DAPP1: variants seen among roughly 807,000 people sequenced by gnomAD.
DAPP1 encodes dual adaptor of phosphotyrosine and 3-phosphoinositides 1, also known as dual adapter for phosphotyrosine and 3-phosphotyrosine and 3-phosphoinositide.
Under a neutral mutation model 41.5 loss-of-function variants are expected in DAPP1, and 20 were observed. The ratio of observed to expected loss-of-function variants is 0.48; its 90% CI spans 0.34 to 0.70. The LOEUF (loss-of-function observed/expected upper bound fraction) is 0.70. Ranked by LOEUF, DAPP1 falls within the 30% of genes least tolerant of loss-of-function variation. The pLI, the probability that DAPP1 is intolerant of heterozygous loss-of-function variation, is 0.01. For missense variants in DAPP1, 233 were observed against 333.4 expected (o/e 0.70, Z 2.35); for synonymous variants, 113 against 116.2 (o/e 0.97, Z 0.18).
At chr4:99,835,919 T>A (rs181392704) in intron 2 of DAPP1, among the ~76,000 whole-genome samples, 174 bp downstream of exon 2, 3 of 152,152 alleles carry the variant, frequency 2.0e-5, no homozygotes, top group Non-Finnish European at 4.4e-5. Context: ...GCTCCATTCA[T>A]TAGCAGGAAA....
chr4:99,861,479 C>G (rs1724234156), intron 4 of DAPP1, 99 bp from the exon 5 acceptor site: 3 of 1,285,060 alleles, frequency 2.3e-6, no homozygotes, highest in Admixed American at 2.1e-5. Context: ...ATTTAAAGAT[C>G]AAAAGCAAAC....
chr4:99,842,918 C>T (rs1280919733), intron 3 of DAPP1, among the ~76,000 whole-genome samples: 2 of 146,998 alleles, frequency 1.4e-5, no homozygotes, highest in African/African-American at 5.3e-5. Flanking sequence ...GTGGCGCGAT[C>T]TCGGCCCACT....
At chr4:99,860,096 C>G (rs1201807144) in intron 4 of DAPP1, among the ~76,000 whole-genome samples, 1 of 152,250 alleles carries the variant, frequency 6.6e-6, no homozygotes, top group Non-Finnish European at 1.5e-5. Flanking sequence ...AATGGGGGCT[C>G]TTATAAACAG....
chr4:99,848,007 T>C (rs1258174520), intron 3 of DAPP1, among the ~76,000 whole-genome samples: 1 of 151,180 alleles, frequency 6.6e-6, no homozygotes, highest in Non-Finnish European at 1.5e-5. Context: ...AGAGACGGGG[T>C]TTCATCATGT....
At chr4:99,871,202 A>T (rs1001881186), downstream of DAPP1, among the ~76,000 whole-genome samples, 5 of 152,170 alleles carry the variant, frequency 3.3e-5, no homozygotes, top group Non-Finnish European at 7.4e-5. Flanking sequence ...GAACTACTGT[A>T]AGGAGAAGGT....
chr4:99,833,419 A>C (rs1723189011), intron 1 of DAPP1, among the ~76,000 whole-genome samples: 1 of 152,218 alleles, frequency 6.6e-6, no homozygotes, highest in Non-Finnish European at 1.5e-5. Context: ...TAGGAAATGC[A>C]GATTTAGAAA....
At chr4:99,872,297 C>A (rs1408270657), downstream of DAPP1, among the ~76,000 whole-genome samples, 2 of 152,146 alleles carry the variant, frequency 1.3e-5, no homozygotes, top group East Asian at 3.8e-4. Context: ...CACACCACCA[C>A]AATAAAGCAA....
At chr4:99,866,742 A>C (rs1388704851) in intron 8 of DAPP1, 2 of 562,086 alleles carry the variant, frequency 3.6e-6, no homozygotes, top group African/African-American at 4.0e-5. Flanking sequence ...CCATCTTAAA[A>C]ACTTTGATGA....
rs114602932 is a variant in DAPP1, at chr4:99,831,559, T to C, written c.102-4064T>C. Among the ~76,000 whole-genome samples the C allele has an allele frequency of 1.4e-3, 214 of 152,324 alleles. 1 individual carries two copies. Among genetic ancestry groups the C allele is most frequent in the African/African-American group, 5.0e-3 (207 of 41,574 alleles). On this transcript the variant is annotated intron_variant, in intron 1 of 8. Coordinates refer to ENST00000512369, the MANE Select transcript of DAPP1 (RefSeq NM_014395.3). ...AGGATGGCTCTAGATTTCTTACTCT[T>C]ACAAACAATTCTGCAGTGAACACCC...
At chr4:99,821,989 G>T (rs779291069) in intron 1 of DAPP1, among the ~76,000 whole-genome samples, 1 of 152,180 alleles carries the variant, frequency 6.6e-6, no homozygotes, top group Non-Finnish European at 1.5e-5. Flanking sequence ...TGTTTACAGC[G>T]GTGTGACACT....
At chr4:99,844,315 C>A (rs2110150705) in intron 3 of DAPP1, 1 of 152,252 alleles carries the variant, frequency 6.6e-6, no homozygotes, top group East Asian at 1.9e-4. Context: ...AGTGGGCAGG[C>A]CGGTTGGAGT....
chr4:99,842,701 G>A (rs911198934), intron 3 of DAPP1, among the ~76,000 whole-genome samples: 1 of 152,212 alleles, frequency 6.6e-6, no homozygotes, highest in Non-Finnish European at 1.5e-5. Context: ...ATAAAGAATG[G>A]TGAATGGAAA....
At chr4:99,853,839 A>G (rs960650883) in intron 4 of DAPP1, among the ~76,000 whole-genome samples, 4 of 152,232 alleles carry the variant, frequency 2.6e-5, no homozygotes, top group African/African-American at 9.6e-5. Context: ...AATGAAAGCA[A>G]TGCAATAGTA....
At chr4:99,870,658 G>C (rs2033270423), downstream of DAPP1, among the ~76,000 whole-genome samples, 1 of 152,228 alleles carries the variant, frequency 6.6e-6, no homozygotes, top group South Asian at 2.1e-4. Context: ...CGGCAGATCA[G>C]AGCAGGGGAA....
intron 2 of DAPP1, among the ~76,000 whole-genome samples, 155 bp downstream of exon 2, chr4:99,835,900 A>C (rs562752703): frequency 3.9e-5 from 6 of 152,210 alleles, no homozygotes; most frequent in Non-Finnish European, 5.9e-5. Context: ...GGTGTAAAAC[A>C]ACATTCCTGC....
chr4:99,842,720 C>T (rs1255586884), intron 3 of DAPP1, among the ~76,000 whole-genome samples: 2 of 152,228 alleles, frequency 1.3e-5, no homozygotes, highest in Admixed American at 6.5e-5. Context: ...AACTGACATG[C>T]CACCTTCTAA....
At chr4:99,837,623 T>C (rs1723346706) in intron 2 of DAPP1, among the ~76,000 whole-genome samples, 1 of 152,216 alleles carries the variant, frequency 6.6e-6, no homozygotes, top group Non-Finnish European at 1.5e-5. Context: ...GGTTAAGTTG[T>C]AGATGCTTTA....
chr4:99,816,995 G>A lies in DAPP1; in HGVS notation c.82G>A (p.Glu28Lys), dbSNP rs760245627. 6.9e-6 allele frequency: 11 copies of A among 1,603,146 alleles called. No individual in the cohort carries two copies. The highest frequency in any genetic ancestry group is 9.4e-6 in the Non-Finnish European group (11 of 1,175,070). The change falls in exon 1 of 9, where the codon GAG (glutamate) becomes AAG (lysine). Residue 28 changes from glutamate (E) to lysine (K), a missense_variant. Coordinates refer to ENST00000512369, the MANE Select transcript of DAPP1 (RefSeq NM_014395.3). ...DLWSRSDGEA[E>K]LLQDLGWYHG... ...GTGGAGCAGATCCGATGGAGAGGCTGAGCTGCTCCAGGACTTGGGGTAAGG... is the reference window on the plus strand; with the variant it reads ...GTGGAGCAGATCCGATGGAGAGGCTAAGCTGCTCCAGGACTTGGGGTAAGG...
In DAPP1 at chr4:99,840,282, C is replaced by T; in HGVS notation, c.225-7C>T. Reference sequence around the variant, plus strand: ...AATAATATTAAATACTTCTTTTTCCCTTTTAGGGCCAAAGATTCTGTTAAA... The same window carrying T: ...AATAATATTAAATACTTCTTTTTCCTTTTTAGGGCCAAAGATTCTGTTAAA... On this transcript the variant is annotated splice_polypyrimidine_tract_variant and splice_region_variant and intron_variant, in intron 2 of 8. Transcript: ENST00000512369. 4 of 1,501,126 alleles carry T rather than the reference C, an allele frequency of 2.7e-6. No individual in the cohort carries two copies. Among genetic ancestry groups the T allele is most frequent in the Admixed American group, 2.2e-5 (1 of 44,800 alleles). The allele number at this position is 1,501,126 out of a possible 1,614,324, so 93.0% of individuals were successfully genotyped here. A position where few individuals can be genotyped will look rare whatever the true frequency, so the allele number is the denominator to read the frequency against.
Sources: gnomAD v4.1 joint callset for allele counts (sites outside exome capture counted in the v4.1 genomes callset) on GRCh38, gnomAD v4.1.1 for gene constraint, MANE v1.5 for transcripts, NCBI Gene and HGNC (gene_info 2026-07-23, HGNC 2026-07-21) for gene names.